The following ARHGAP24 variants were observed in gnomAD, a reference collection of about 807,000 sequenced individuals.
ARHGAP24 encodes the protein rho GTPase-activating protein 24.
A neutral mutation model predicts 76.4 loss-of-function variants in ARHGAP24; 50 were observed. That is an observed-to-expected ratio of 0.65 (90% CI 0.52 to 0.83). ARHGAP24 has a LOEUF of 0.83. ARHGAP24 is among the 40% of genes least tolerant of loss of function. The probability of loss-of-function intolerance (pLI) is 0.00; values close to 1 mark genes in which losing one functional copy is unlikely to be tolerated. For synonymous variants in ARHGAP24, 345 were observed against 323.3 expected, an observed-to-expected ratio of 1.07 and a Z score of -0.72; for missense variants, 930 against 914.2, an observed-to-expected ratio of 1.02 and a Z score of -0.22.
intron 2 of ARHGAP24, among the ~76,000 whole-genome samples, chr4:85,619,345 C>A (rs1304428511): frequency 6.6e-6 from 1 of 151,916 alleles, no homozygotes. Flanking sequence ...TATGCTGATA[C>A]CGTGCTGTTT....
chr4:85,524,354 A>G (rs1010406678), intron 1 of ARHGAP24, among the ~76,000 whole-genome samples: 22 of 152,154 alleles, frequency 1.4e-4, no homozygotes, highest in Admixed American at 1.0e-3. Context: ...ATTGGTCTAC[A>G]ACTTGTATGC....
At chr4:85,628,630 T>A (rs1721054995) in intron 2 of ARHGAP24, among the ~76,000 whole-genome samples, 1 of 152,248 alleles carries the variant, frequency 6.6e-6, no homozygotes, top group South Asian at 2.1e-4. Flanking sequence ...TATTGCTGTC[T>A]ATTTATCTCT....
intron 2 of ARHGAP24, among the ~76,000 whole-genome samples, chr4:85,665,186 A>G (rs900995022): frequency 1.3e-5 from 2 of 152,068 alleles, no homozygotes; most frequent in African/African-American, 4.8e-5. Context: ...TGCTTTATGA[A>G]TCTGAGTGCT....
chr4:85,881,795 G>T (rs1306264958), intron 3 of ARHGAP24, among the ~76,000 whole-genome samples: 1 of 152,062 alleles, frequency 6.6e-6, no homozygotes, highest in Non-Finnish European at 1.5e-5. Flanking sequence ...GTTCCCTTTG[G>T]TCCCTGCTCT....
At chr4:85,930,752 T>G in intron 4 of ARHGAP24, 1 of 1,335,000 alleles carries the variant, frequency 7.5e-7, no homozygotes, top group Non-Finnish European at 9.6e-7. Flanking sequence ...TAAACAGGAG[T>G]AAATGAGAGG....
chr4:85,669,677 A>AGC (rs1208369252), intron 2 of ARHGAP24, among the ~76,000 whole-genome samples: 2 of 77,640 alleles, frequency 2.6e-5, no homozygotes, highest in Non-Finnish European at 5.5e-5. Context: ...ATATATATAT[A>AGC]TATATATATA....
chr4:85,860,196 A>T (rs1389010344), intron 3 of ARHGAP24, among the ~76,000 whole-genome samples: 1 of 152,118 alleles, frequency 6.6e-6, no homozygotes, highest in African/African-American at 2.4e-5. Flanking sequence ...GGCATGGAAG[A>T]TGAATTACAG....
Position 85,534,915 on chromosome 4 carries a change from C to CCA in ARHGAP24, c.-20-35606_-20-35605dup, listed in dbSNP as rs1302379989. ...CTAAGGTCCGTTGGGCTTCTGTTGACCATATTTACAGTAAAAAAAAAAAAA... is the reference window on the plus strand; with the variant it reads ...CTAAGGTCCGTTGGGCTTCTGTTGACCACATATTTACAGTAAAAAAAAAAAAA... On this transcript the variant is annotated intron_variant, in intron 1 of 9. Transcript: ENST00000395184. Among the ~76,000 whole-genome samples, 6 of 143,318 alleles carry CCA rather than the reference C, an allele frequency of 4.2e-5. No individual in the cohort carries two copies. In the East Asian group the frequency reaches 1.2e-3, roughly 29 times the overall value. The allele number at this position is 143,318 out of a possible 152,430, so 94.0% of individuals were successfully genotyped here.
intron 3 of ARHGAP24, among the ~76,000 whole-genome samples, chr4:85,855,858 T>C (rs781566577): frequency 6.6e-6 from 1 of 152,224 alleles, no homozygotes; most frequent in Middle Eastern, 3.4e-3. Flanking sequence ...TCATCTGGCT[T>C]TAGAGAGTTG....
chr4:85,586,125 T>C (rs894548309), intron 2 of ARHGAP24, among the ~76,000 whole-genome samples: 1 of 152,238 alleles, frequency 6.6e-6, no homozygotes, highest in Non-Finnish European at 1.5e-5. Flanking sequence ...CTTTCTTTTT[T>C]TCCCCCCTCT....
At chr4:85,826,532 ACAAG>A (rs1439511940) in intron 3 of ARHGAP24, among the ~76,000 whole-genome samples, 2 of 152,196 alleles carry the variant, frequency 1.3e-5, no homozygotes, top group Non-Finnish European at 2.9e-5. Context: ...CCCACTTGAA[ACAAG>A]CAGTTTCCTT....
intron 2 of ARHGAP24, among the ~76,000 whole-genome samples, chr4:85,606,052 A>G (rs1440523733): frequency 6.6e-6 from 1 of 152,194 alleles, no homozygotes; most frequent in African/African-American, 2.4e-5. Flanking sequence ...ACTTTCAGCA[A>G]GTGGAAAATT....
chr4:85,517,337 T>C (rs1385709842), intron 1 of ARHGAP24, among the ~76,000 whole-genome samples: 1 of 152,178 alleles, frequency 6.6e-6, no homozygotes, highest in Non-Finnish European at 1.5e-5. Flanking sequence ...AATTATCATA[T>C]TTTTTCTGAA....
intron 1 of ARHGAP24, among the ~76,000 whole-genome samples, chr4:85,480,415 A>G (rs1355788614): frequency 6.6e-6 from 1 of 152,150 alleles, no homozygotes; most frequent in Non-Finnish European, 1.5e-5. Flanking sequence ...TTGATGCTCA[A>G]TTGTACGCCA....
chr4:85,581,674 T>C (rs564640991), intron 2 of ARHGAP24, among the ~76,000 whole-genome samples: 143 of 152,250 alleles, frequency 9.4e-4, no homozygotes, highest in African/African-American at 3.3e-3. Context: ...AGCAGTAAGA[T>C]TCTAGTACAA....
intron 3 of ARHGAP24, among the ~76,000 whole-genome samples, chr4:85,894,666 A>G (rs973568249): frequency 2.0e-5 from 3 of 152,164 alleles, no homozygotes; most frequent in African/African-American, 4.8e-5. Context: ...AAATGATATA[A>G]TGGACTTTGG....
At chr4:86,000,270 T>C in intron 9 of ARHGAP24, 1 of 453,044 alleles carries the variant, frequency 2.2e-6, no homozygotes, top group Non-Finnish European at 4.1e-6. Context: ...ACCTAATGAC[T>C]AAGGTGACAG....
chr4:85,982,173 C>T (rs2148860794), intron 8 of ARHGAP24, among the ~76,000 whole-genome samples: 1 of 151,832 alleles, frequency 6.6e-6, no homozygotes, highest in East Asian at 1.9e-4. Context: ...CATCATCTTC[C>T]TAGAAGTCAG....
At chr4:85,657,153 C>T (rs1722206198) in intron 2 of ARHGAP24, among the ~76,000 whole-genome samples, 1 of 134,010 alleles carries the variant, frequency 7.5e-6, no homozygotes. Context: ...TTTGTTTTCT[C>T]CTTAGCCTTA....
Sources: gnomAD v4.1 joint callset for allele counts (sites outside exome capture counted in the v4.1 genomes callset) on GRCh38, gnomAD v4.1.1 for gene constraint, MANE v1.5 for transcripts, NCBI Gene and HGNC (gene_info 2026-07-23, HGNC 2026-07-21) for gene names.